Variants in TBC1D17 observed in about 807,000 individuals in gnomAD.
TBC1D17 encodes TBC1 domain family, member 17.
TBC1D17 carries 69 observed loss-of-function variants against 78.8 expected under a neutral mutation model. That is an observed-to-expected ratio of 0.88 (90% confidence interval 0.72 to 1.07). TBC1D17 has a LOEUF of 1.07. TBC1D17 is among the 50% of genes least tolerant of loss of function. TBC1D17 has a pLI of 0.00. For synonymous variants in TBC1D17, 456 were observed against 358.3 expected, an observed-to-expected ratio of 1.27 and a Z score of -3.08; for missense variants, 957 against 861.0, an observed-to-expected ratio of 1.11 and a Z score of -1.39.
chr19:49,880,473 C>T (rs2075003627), intron 4 of TBC1D17, 71 bp downstream of exon 4: 8 of 1,567,230 alleles, frequency 5.1e-6, no homozygotes, highest in East Asian at 2.3e-5. Context: ...TCAGTGGTCA[C>T]GGTCCCAAGG....
chr19:49,888,285 G>T lies in TBC1D17; in HGVS notation c.1714G>T (p.Glu572Ter). The change falls in exon 16 of 17, where the codon GAG (glutamate) becomes TAG (stop). Residue 572 changes from glutamate to a stop codon, truncating the protein, a stop_gained. Coordinates refer to ENST00000221543, the MANE Select transcript of TBC1D17 (RefSeq NM_024682.3). LOFTEE classifies it low-confidence loss of function (END_TRUNC). ...CGTGGAGGACGTGCTGACCCGCGCC[G>T]AGGCCCTGCACCGCCAGCTAACCGC... ...LSVEDVLTRA[E>*]ALHRQLTACP... The T allele has an allele frequency of 6.3e-7, 1 of 1,592,026 alleles. No homozygotes were observed. The highest frequency in any genetic ancestry group is 2.3e-5 in the East Asian group (1 of 43,962).
chr19:49,880,464 C>G, intron 4 of TBC1D17, 62 bp downstream of exon 4: 1 of 1,581,276 alleles, frequency 6.3e-7, no homozygotes, highest in South Asian at 1.1e-5. Context: ...ATCTTGCCCT[C>G]AGTGGTCACG....
chr19:49,881,157 G>C (rs1215642986), intron 4 of TBC1D17, 111 bp from the exon 5 acceptor site: 11 of 891,858 alleles, frequency 1.2e-5, no homozygotes, highest in Admixed American at 2.7e-5. Flanking sequence ...GGGGTGGCTT[G>C]TGGCGGGGCC....
At position 49,883,016 on chromosome 19, in the gene TBC1D17, T is replaced by C. The variant is rs1269359028; in HGVS notation, c.971T>C (p.Leu324Pro). The C allele has an allele frequency of 5.6e-6, 9 of 1,611,124 alleles. No homozygotes were observed. The highest frequency in any genetic ancestry group is 7.6e-6 in the Non-Finnish European group (9 of 1,179,016). The change falls in exon 9 of 17, where the codon CTA (leucine) becomes CCA (proline). Residue 324 changes from leucine to proline, a missense_variant. Transcript: ENST00000221543. ...SLRREAWKFL[L>P]GYLSWEGTAE... is the part of the protein sequence containing the mutation. ...CGGCGCGAGGCCTGGAAGTTCCTCC[T>C]AGGGTACCTCAGCTGGGAAGGCACA...
intron 10 of TBC1D17, among the ~76,000 whole-genome samples, chr19:49,883,990 T>C (rs2075037692): frequency 6.6e-6 from 1 of 152,204 alleles, no homozygotes; most frequent in South Asian, 2.1e-4. Context: ...CAATGCCTGG[T>C]GATCTTGGCA....
intron 2 of TBC1D17, 90 bp from the exon 3 acceptor site, chr19:49,878,408 G>C (rs2074979273): frequency 7.1e-7 from 1 of 1,398,804 alleles, no homozygotes; most frequent in Admixed American, 1.7e-5. Context: ...GCTGAGGGTA[G>C]AAACTGGGAA....
At chr19:49,880,197 A>T in intron 3 of TBC1D17, 82 bp from the exon 4 acceptor site, 2 of 1,543,126 alleles carry the variant, frequency 1.3e-6, no homozygotes, top group Non-Finnish European at 1.8e-6. Flanking sequence ...CTCTTTATTC[A>T]ATGGGGCTAT....
At chr19:49,881,857 C>T (rs555608758) in intron 5 of TBC1D17, among the ~76,000 whole-genome samples, 184 bp from the exon 6 acceptor site, 1 of 152,284 alleles carries the variant, frequency 6.6e-6, no homozygotes, top group African/African-American at 2.4e-5. Flanking sequence ...TTGGCCAGCC[C>T]CGAGTCATGT....
rs757129768 is a variant in TBC1D17, at chr19:49,884,688, C to T, written c.1374C>T (p.Thr458=). The stretch of plus-strand genomic sequence containing the variant: ...GGAACTTTGAAGAGAGCCAGGAGAC[C>T]ATGAAGCGGCAACTCGGGCGACTGC... ...VQGNFEESQE[T]MKRQLGRLLL... is the part of the protein sequence containing the mutation. Residue 458 remains threonine, a synonymous_variant, in exon 13 of 17, where the codon ACC becomes ACT. Coordinates refer to ENST00000221543, the MANE Select transcript of TBC1D17 (RefSeq NM_024682.3). 4 of 1,613,990 alleles carry T rather than the reference C, an allele frequency of 2.5e-6. No homozygotes were observed. The African/African-American group carries it at 4.0e-5, about 16-fold the overall frequency.
At chr19:49,883,226 C>G in intron 9 of TBC1D17, 150 bp downstream of exon 9, 1 of 670,486 alleles carries the variant, frequency 1.5e-6, no homozygotes, top group South Asian at 1.9e-5. Context: ...CAAGCCAGAC[C>G]CATCCTCACC....
intron 1 of TBC1D17, 141 bp from the exon 2 acceptor site, chr19:49,878,002 T>C (rs1219004254): frequency 3.9e-6 from 3 of 767,520 alleles, no homozygotes; most frequent in Non-Finnish European, 6.1e-6. Context: ...GGCTGGACCA[T>C]TCTCCCCGCC....
In TBC1D17 at chr19:49,884,754, C is replaced by A. The variant is rs758447594; in HGVS notation, c.1440C>A (p.Phe480Leu). 2 of 1,613,800 alleles carry A rather than the reference C, an allele frequency of 1.2e-6. No individual in the cohort carries two copies. Among genetic ancestry groups the A allele is most frequent in the East Asian group, 4.5e-5 (2 of 44,882 alleles). Reference protein sequence around the residue: ...LRVLDPLLCDFLDSQDSGSLC... With the variant: ...LRVLDPLLCDLLDSQDSGSLC... ...TGCTGGACCCCCTGCTCTGCGACTT[C>A]CTGGGTATGTCTCTCGGGAGGGTGG... is the stretch of plus-strand genomic sequence containing the variant. The change falls in exon 13 of 17, where the codon TTC becomes TTA. Residue 480 changes from phenylalanine (F) to leucine (L), a missense_variant. By Grantham distance (22) the Phe-to-Leu change is conservative. Coordinates refer to ENST00000221543, the MANE Select transcript of TBC1D17 (RefSeq NM_024682.3).
Position 49,878,599 on chromosome 19 carries a change from C to T in TBC1D17, c.195+27C>T, listed in dbSNP as rs1480505680. ...TAGGCTCCACCCGCTTTGCCCTTCT[C>T]CACTCGCTTTTTTTCTAGGTCCGTG... On this transcript the variant is annotated intron_variant, in intron 3 of 16. Coordinates refer to ENST00000221543, the MANE Select transcript of TBC1D17 (RefSeq NM_024682.3). The T allele has an allele frequency of 3.1e-6, 5 of 1,609,468 alleles. No individual in the cohort carries two copies. In the South Asian group the frequency reaches 4.4e-5, roughly 14 times the overall value.
At chr19:49,880,605 GC>G (rs1458700528) in intron 4 of TBC1D17, among the ~76,000 whole-genome samples, 1 of 152,242 alleles carries the variant, frequency 6.6e-6, no homozygotes, top group Non-Finnish European at 1.5e-5. Context: ...CTCTGAGACT[GC>G]AGCCTTGCTC....
At position 49,882,091 on chromosome 19, in the gene TBC1D17, C is replaced by T. The variant is rs373427164; in HGVS notation, c.578C>T (p.Ala193Val). 5 of 1,614,144 alleles carry T rather than the reference C, an allele frequency of 3.1e-6. No individual in the cohort carries two copies. The highest frequency in any genetic ancestry group is 4.5e-5 in the East Asian group (2 of 44,882). The change falls in exon 6 of 17, where the codon GCT (alanine) becomes GTT (valine). Residue 193 changes from alanine (A) to valine (V), a missense_variant. Ala to Val is a moderately conservative substitution (Grantham distance 64). Transcript: ENST00000221543. The stretch of plus-strand genomic sequence containing the variant: ...CTTGTCTTCCCCCACGACTCCTCTG[C>T]TCTCTCCAACTCCTTCCACCACCTG... Reference protein sequence around the residue: ...LYLVFPHDSSALSNSFHHLQL... With the variant: ...LYLVFPHDSSVLSNSFHHLQL...
chr19:49,884,747 G>A lies in TBC1D17; in HGVS notation c.1433G>A (p.Cys478Tyr). The stretch of plus-strand genomic sequence containing the variant: ...CTGAGGGTGCTGGACCCCCTGCTCT[G>A]CGACTTCCTGGGTATGTCTCTCGGG... The part of the protein sequence containing the change: ...LLLRVLDPLL[C>Y]DFLDSQDSGS... The change falls in exon 13 of 17, where the codon TGC (cysteine) becomes TAC (tyrosine). Residue 478 changes from cysteine to tyrosine, a missense_variant. Transcript: ENST00000221543. 6.2e-7 allele frequency: 1 copy of A among 1,613,858 alleles called. No homozygotes were observed. Among genetic ancestry groups the A allele is most frequent in the East Asian group, 2.2e-5 (1 of 44,874 alleles).
At chr19:49,882,735 C>A in intron 7 of TBC1D17, 29 bp from the exon 8 acceptor site, 1 of 1,520,352 alleles carries the variant, frequency 6.6e-7, no homozygotes, top group East Asian at 2.3e-5. Context: ...CCCCGCCGAG[C>A]CCCAGGCTCA....
chr19:49,882,894 T>C lies in TBC1D17; in HGVS notation c.927+2T>C, dbSNP rs755219208. 1 of 1,603,922 alleles carries C rather than the reference T, an allele frequency of 6.2e-7. No homozygotes were observed. Among genetic ancestry groups the C allele is most frequent in the Non-Finnish European group, 8.5e-7 (1 of 1,175,588 alleles). On this transcript the variant is annotated splice_donor_variant, in intron 8 of 16. Transcript: ENST00000221543. LOFTEE classifies it high-confidence loss of function. ...CTGAAGAACCGGATCTTCTCGGGGG[T>C]GAGTGCCAGGACAGGTGGAAGAATG...
At chr19:49,883,254 C>T (rs2075031857) in intron 9 of TBC1D17, among the ~76,000 whole-genome samples, 178 bp downstream of exon 9, 1 of 152,218 alleles carries the variant, frequency 6.6e-6, no homozygotes, top group Non-Finnish European at 1.5e-5. Flanking sequence ...GGTCTGTCTC[C>T]ATTGCAGTTT....
Sources: allele counts gnomAD v4.1 joint callset (sites outside exome capture counted in the v4.1 genomes callset), GRCh38; gene constraint gnomAD v4.1.1; transcripts MANE v1.5; gene names NCBI Gene and HGNC (gene_info 2026-07-23, HGNC 2026-07-21).